Variants in LRP1B observed in about 807,000 individuals in gnomAD.
LRP1B encodes LDL receptor related protein 1B.
LRP1B carries 217 observed loss-of-function variants against 556.6 expected under a neutral mutation model. The observed-to-expected ratio is 0.39, with a 90% CI of 0.35 to 0.44. The LOEUF is 0.44. Ranked by LOEUF, LRP1B falls within the 20% of genes least tolerant of loss-of-function variation. The pLI, the probability that LRP1B is intolerant of heterozygous loss-of-function variation, is 1.00. For missense variants in LRP1B, 5,053 were observed against 5,620.8 expected (o/e 0.90, Z 3.23); for synonymous variants, 2,047 against 1,865.8 (o/e 1.10, Z -2.50).
intron 3 of LRP1B, among the ~76,000 whole-genome samples, chr2:141,466,302 TTCCTTTAGAG>T (rs2105056751): frequency 6.6e-6 from 1 of 152,344 alleles, no homozygotes; most frequent in South Asian, 2.1e-4. Context: ...CTCTCTTTCT[TTCCTTTAGAG>T]TCCTCTCATA....
Position 141,229,207 on chromosome 2 carries a change from T to C in LRP1B, c.826A>G (p.Ile276Val), listed in dbSNP as rs2105293344. Residue 276 changes from isoleucine to valine, a missense_variant, in exon 6 of 91, where the codon ATC becomes GTC. Coordinates refer to ENST00000389484, the MANE Select transcript of LRP1B (RefSeq NM_018557.3). Reference protein sequence around the residue: ...KAGGLTDEWTINILQSFHNVQ... With the variant: ...KAGGLTDEWTVNILQSFHNVQ... Reference sequence around the variant, plus strand: ...CTGTGGAAGGATTGAAGAATATTGATTGTCCATTCATCTGTTAATCCTCCT... The same window carrying C: ...CTGTGGAAGGATTGAAGAATATTGACTGTCCATTCATCTGTTAATCCTCCT... 6.2e-7 allele frequency: 1 copy of C among 1,613,204 alleles called. No homozygotes were observed. The highest frequency in any genetic ancestry group is 8.5e-7 in the Non-Finnish European group (1 of 1,179,490).
rs546227005 is a variant in LRP1B at position 140,936,932 on chromosome 2, C to T, written c.3136+13303G>A. On this transcript the variant is annotated intron_variant, in intron 20 of 90. Coordinates refer to ENST00000389484, the MANE Select transcript of LRP1B (RefSeq NM_018557.3). The stretch of plus-strand genomic sequence containing the variant: ...ACTTTTGCACCAACCTAATATAAGG[C>T]TGTGATTTTGTGACATCAATAACTG... 5.9e-5 allele frequency among the ~76,000 whole-genome samples: 9 copies of T among 152,118 alleles called. No homozygotes were observed. In the East Asian group the frequency reaches 1.7e-3, roughly 30 times the overall value.
intron 5 of LRP1B, among the ~76,000 whole-genome samples, chr2:141,239,766 T>C (rs1442018428): frequency 1.3e-5 from 2 of 152,032 alleles, no homozygotes; most frequent in Admixed American, 1.3e-4. Context: ...AATAAGATCG[T>C]CACCTCACAA....
At chr2:140,762,247 A>G (rs1688951703) in intron 35 of LRP1B, among the ~76,000 whole-genome samples, 1 of 152,150 alleles carries the variant, frequency 6.6e-6, no homozygotes, top group Admixed American at 6.6e-5. Flanking sequence ...TGTCAATCTC[A>G]GGGGCAAAAA....
intron 4 of LRP1B, among the ~76,000 whole-genome samples, chr2:141,248,360 T>C (rs921292724): frequency 4.6e-5 from 7 of 152,182 alleles, no homozygotes; most frequent in Admixed American, 1.3e-4. Flanking sequence ...ATAATTATGA[T>C]ACTATACATT....
In LRP1B at chr2:141,951,837, A is replaced by AT. The variant is rs901361283; in HGVS notation, c.83-141437dup. Among the ~76,000 whole-genome samples, 37 of 151,902 alleles carry AT rather than the reference A, an allele frequency of 2.4e-4. 1 individual carries two copies. Among genetic ancestry groups the AT allele is most frequent in the Middle Eastern group, 3.4e-3 (1 of 292 alleles). ...ACAACTGATGTAAAAGTTCAGAAGAATTTTTTTTTAATTTGCTTTTTTTAA... is the reference window on the plus strand; with the variant it reads ...ACAACTGATGTAAAAGTTCAGAAGAATTTTTTTTTTAATTTGCTTTTTTTAA... On this transcript the variant is annotated intron_variant, in intron 1 of 90. Transcript: ENST00000389484.
At chr2:140,834,990 A>G (rs891842468) in intron 31 of LRP1B, among the ~76,000 whole-genome samples, 1 of 152,200 alleles carries the variant, frequency 6.6e-6, no homozygotes, top group Non-Finnish European at 1.5e-5. Flanking sequence ...TCATTTTGAA[A>G]TTATACAAAT....
intron 89 of LRP1B, among the ~76,000 whole-genome samples, chr2:140,235,652 A>G (rs1680662705): frequency 6.6e-6 from 1 of 151,142 alleles, no homozygotes; most frequent in Non-Finnish European, 1.5e-5. Flanking sequence ...ATATTTGAGT[A>G]TTATGTTCTA....
At chr2:141,393,373 T>G (rs1050657789) in intron 3 of LRP1B, among the ~76,000 whole-genome samples, 3 of 152,188 alleles carry the variant, frequency 2.0e-5, no homozygotes, top group African/African-American at 7.2e-5. Context: ...AATTATCAGA[T>G]AAGCATAGAA....
chr2:141,191,927 A>T (rs1681530336), intron 6 of LRP1B, among the ~76,000 whole-genome samples: 1 of 151,962 alleles, frequency 6.6e-6, no homozygotes, highest in Non-Finnish European at 1.5e-5. Context: ...AGTTTATACA[A>T]TTGTAATTTC....
chr2:140,548,007 T>A (rs9287536), intron 43 of LRP1B, among the ~76,000 whole-genome samples: 1 of 149,648 alleles, frequency 6.7e-6, no homozygotes, highest in South Asian at 2.1e-4. Context: ...TGCAAAGGAA[T>A]GGTAATCAAG....
At chr2:141,259,420 G>A (rs1684604462) in intron 3 of LRP1B, among the ~76,000 whole-genome samples, 1 of 152,216 alleles carries the variant, frequency 6.6e-6, no homozygotes, top group Non-Finnish European at 1.5e-5. Context: ...CTTCCAGTTA[G>A]ATTGGAACCG....
intron 2 of LRP1B, among the ~76,000 whole-genome samples, chr2:141,759,994 T>C (rs1332200037): frequency 1.3e-5 from 2 of 152,172 alleles, no homozygotes; most frequent in African/African-American, 2.4e-5. Context: ...CCGGGCGTGG[T>C]TGCGTGCGTC....
rs72983144 is a variant in LRP1B, at chr2:141,380,353, G to C, written c.343+100043C>G. On this transcript the variant is annotated intron_variant, in intron 3 of 90. Coordinates refer to ENST00000389484, the MANE Select transcript of LRP1B (RefSeq NM_018557.3). ...ACTCACTTGTGCCTGAGAGTTAATG[G>C]ACCAGACAGTCGCTACCCAACTAAT... Among the ~76,000 whole-genome samples, 1,408 of 152,270 alleles carry C rather than the reference G, an allele frequency of 9.2e-3. 18 individuals carry two copies. Among genetic ancestry groups the C allele is most frequent in the African/African-American group, 0.031 (1,289 of 41,560 alleles).
intron 20 of LRP1B, among the ~76,000 whole-genome samples, chr2:140,936,160 T>G (rs1017774280): frequency 1.3e-5 from 2 of 151,118 alleles, no homozygotes; most frequent in Non-Finnish European, 3.0e-5. Context: ...ATCAACGTGG[T>G]AAAACCCCAT....
intron 10 of LRP1B, among the ~76,000 whole-genome samples, chr2:141,052,798 T>C (rs935902017): frequency 1.3e-5 from 2 of 151,856 alleles, no homozygotes; most frequent in Non-Finnish European, 2.9e-5. Context: ...CCACCATGCC[T>C]GTCTAATTTT....
chr2:141,410,850 C>T (rs1433075817), intron 3 of LRP1B, among the ~76,000 whole-genome samples: 1 of 151,910 alleles, frequency 6.6e-6, no homozygotes, highest in Non-Finnish European at 1.5e-5. Flanking sequence ...CCTCCTATAT[C>T]AGCTTTCTAT....
At chr2:140,497,388 G>T (rs1435383956) in intron 55 of LRP1B, among the ~76,000 whole-genome samples, 2 of 151,776 alleles carry the variant, frequency 1.3e-5, no homozygotes, top group South Asian at 4.1e-4. Flanking sequence ...GCCACCAGGA[G>T]GAATTGGTAC....
intron 2 of LRP1B, among the ~76,000 whole-genome samples, chr2:141,800,127 T>A (rs1007902113): frequency 1.3e-5 from 2 of 152,156 alleles, no homozygotes; most frequent in Non-Finnish European, 2.9e-5. Context: ...AATTAAAATC[T>A]GTTGTGTCTA....
Sources: gnomAD v4.1 joint callset for allele counts (sites outside exome capture counted in the v4.1 genomes callset) on GRCh38, gnomAD v4.1.1 for gene constraint, MANE v1.5 for transcripts, NCBI Gene and HGNC (gene_info 2026-07-23, HGNC 2026-07-21) for gene names.